The following DROSHA variants were observed in gnomAD, a reference collection of about 807,000 sequenced individuals.
DROSHA encodes drosha ribonuclease III, also known as ribonuclease 3.
Under a neutral mutation model 181.9 loss-of-function variants are expected in DROSHA, and 56 were observed. That is an observed-to-expected ratio of 0.31 (90% CI 0.25 to 0.38). The LOEUF is 0.38. Ranked by LOEUF, DROSHA falls within the 10% of genes least tolerant of loss-of-function variation. The pLI is 1.00. For missense variants in DROSHA, 1,218 were observed against 1,743.5 expected (o/e 0.70, Z 5.37); for synonymous variants, 524 against 591.2 (o/e 0.89, Z 1.65).
At chr5:31,523,836 T>A (rs7731537) in intron 5 of DROSHA, among the ~76,000 whole-genome samples, 4 of 151,614 alleles carry the variant, frequency 2.6e-5, no homozygotes, top group Non-Finnish European at 4.4e-5. Context: ...TTAGCCGGGC[T>A]TGGTGGCAGG....
chr5:31,405,750 A>G, intron 34 of DROSHA, 27 bp from the exon 35 acceptor site: 2 of 1,242,158 alleles, frequency 1.6e-6, no homozygotes, highest in African/African-American at 1.6e-5. Context: ...AGTAAGACAT[A>G]CTTTAATTTC....
chr5:31,486,712 A>G, intron 13 of DROSHA, 150 bp from the exon 14 acceptor site: 1 of 594,816 alleles, frequency 1.7e-6, no homozygotes, highest in East Asian at 3.0e-5. Context: ...ATGAAGCTTG[A>G]CCACAACTGC....
At position 31,431,805 on chromosome 5, in the gene DROSHA, T is replaced by G. The variant is rs1335505531; in HGVS notation, c.3043-127A>C. Reference sequence around the variant, plus strand: ...GGGCAGCGTAATGGTTACAAATCCATGAATATATTAAGAGAGAGTTTAGTT... The same window carrying G: ...GGGCAGCGTAATGGTTACAAATCCAGGAATATATTAAGAGAGAGTTTAGTT... On this transcript the variant is annotated intron_variant, in intron 25 of 35. Transcript: ENST00000344624. The G allele has an allele frequency of 4.5e-5, 34 of 750,974 alleles. No individual in the cohort carries two copies. The South Asian group carries it at 5.7e-4, about 13-fold the overall frequency. 46.5% of individuals were successfully genotyped at this position (750,974 alleles called of 1,614,324 possible).
At chr5:31,454,763 A>AC (rs769190555) in intron 20 of DROSHA, among the ~76,000 whole-genome samples, 81 of 151,968 alleles carry the variant, frequency 5.3e-4, no homozygotes, top group Non-Finnish European at 1.0e-3. Flanking sequence ...ACATGGTGAG[A>AC]CCCCGTCTCT....
rs34034465 is a variant in DROSHA, at chr5:31,409,971, TAA to T, written c.3668-641_3668-640del. Among the ~76,000 whole-genome samples the T allele has an allele frequency of 0.048, 7,005 of 144,460 alleles. 228 individuals carry two copies. The highest frequency in any genetic ancestry group is 0.17 in the East Asian group (841 of 5,028). 94.8% of individuals were successfully genotyped at this position (144,460 alleles called of 152,430 possible). On this transcript the variant is annotated intron_variant, in intron 31 of 35. Coordinates refer to ENST00000344624, the MANE Select transcript of DROSHA (RefSeq NM_001382508.1). This position sits in a 1 kb window ranked among gnomAD's most constrained non-coding sequence, Gnocchi z 4.0. The stretch of plus-strand genomic sequence containing the variant: ...GGAATAAAAATAGCTTTCATTGAGC[TAA>T]AAAAAAAAAAAAGAATGATCTCTCT...
chr5:31,511,649 A>G (rs1442615791), intron 8 of DROSHA, among the ~76,000 whole-genome samples: 1 of 151,708 alleles, frequency 6.6e-6, no homozygotes, highest in African/African-American at 2.4e-5. Context: ...AGCTATGACT[A>G]TGACTGTGCC....
chr5:31,457,284 C>T (rs534287975), intron 20 of DROSHA, among the ~76,000 whole-genome samples: 182 of 151,938 alleles, frequency 1.2e-3, no homozygotes, highest in African/African-American at 4.0e-3. Context: ...CCACCACTCC[C>T]GGCTAATTTT....
chr5:31,492,113 A>G (rs1406090977), intron 13 of DROSHA, among the ~76,000 whole-genome samples: 1 of 152,212 alleles, frequency 6.6e-6, no homozygotes, highest in Non-Finnish European at 1.5e-5. Context: ...GCTTTTCTAC[A>G]TTAGTGAACA....
chr5:31,401,608 TAATC>T, intron 35 of DROSHA, 46 bp from the exon 36 acceptor site: 1 of 1,231,772 alleles, frequency 8.1e-7, no homozygotes, highest in Non-Finnish European at 1.0e-6. Flanking sequence ...TTATATTTAA[TAATC>T]TAGTGCAAAG....
At chr5:31,518,107 G>A (rs761895996) in intron 6 of DROSHA, among the ~76,000 whole-genome samples, 28 of 150,788 alleles carry the variant, frequency 1.9e-4, no homozygotes, top group Non-Finnish European at 3.0e-4. Context: ...TCGGACAGGC[G>A]GTATAGCCTG....
Position 31,526,927 on chromosome 5 carries a change from AG to A in DROSHA, c.21-16del, listed in dbSNP as rs1740664784. 1.2e-6 allele frequency: 2 copies of A among 1,600,948 alleles called. No individual in the cohort carries two copies. The highest frequency in any genetic ancestry group is 2.7e-5 in the African/African-American group (2 of 73,900). Reference sequence around the variant, plus strand: ...ACATTCTGTGACTTCATGGCAGAAAAGAAAAAGGGAAAAGTTTTTTTAAAAA... The same window carrying A: ...ACATTCTGTGACTTCATGGCAGAAAAAAAAAGGGAAAAGTTTTTTTAAAAA... On this transcript the variant is annotated splice_polypyrimidine_tract_variant and intron_variant, in intron 4 of 35. Transcript: ENST00000344624.
chr5:31,523,764 CA>C (rs1740174644), intron 5 of DROSHA, among the ~76,000 whole-genome samples: 1 of 152,170 alleles, frequency 6.6e-6, no homozygotes, highest in South Asian at 2.1e-4. Flanking sequence ...CACCTGAGGT[CA>C]GGAGTTCGAG....
chr5:31,486,580 G>A lies in DROSHA; in HGVS notation c.1843-18C>T, dbSNP rs1408772506. 1 of 1,610,958 alleles carries A rather than the reference G, an allele frequency of 6.2e-7. No homozygotes were observed. The highest frequency in any genetic ancestry group is 1.7e-5 in the Admixed American group (1 of 59,614). ...AGTGGAATCTGCAATAAAAAGAAGT[G>A]AGGTTCAGTTCCCCAACGTCTCCCT... On this transcript the variant is annotated intron_variant, in intron 13 of 35. Transcript: ENST00000344624.
chr5:31,401,598 T>C, intron 35 of DROSHA, 36 bp from the exon 36 acceptor site: 1 of 1,275,742 alleles, frequency 7.8e-7, no homozygotes, highest in Non-Finnish European at 1.0e-6. Flanking sequence ...TTTAATAAAA[T>C]TATATTTAAT....
Position 31,470,084 on chromosome 5 carries a change from T to A in DROSHA, c.2241+1979A>T, listed in dbSNP as rs1749559435. ...CAAGATTTTTTTCCTCCTTTAAGCA[T>A]ATCTTCAGATAAACAGTATAAAAGA... On this transcript the variant is annotated intron_variant, in intron 17 of 35. Coordinates refer to ENST00000344624, the MANE Select transcript of DROSHA (RefSeq NM_001382508.1). The surrounding 1 kb of genome is among the most constrained non-coding windows in gnomAD (Gnocchi z 4.0). 6.6e-6 allele frequency among the ~76,000 whole-genome samples: 1 copy of A among 152,006 alleles called. No individual in the cohort carries two copies. The highest frequency in any genetic ancestry group is 1.9e-4 in the East Asian group (1 of 5,190).
rs368250784 is a variant in DROSHA at position 31,472,156 on chromosome 5, C to T, written c.2148G>A (p.Glu716=). ...ACTGAAGCATATTGGCAATCTCCTCCTCAGGCACCAGGGCTTTGCTGCACC... is the reference window on the plus strand; with the variant it reads ...ACTGAAGCATATTGGCAATCTCCTCTTCAGGCACCAGGGCTTTGCTGCACC... ...LLRCSKALVP[E]EEIANMLQWE... is the part of the protein sequence containing the mutation. Residue 716 remains glutamate (E), a synonymous_variant, in exon 17 of 36, where the codon GAG becomes GAA. Coordinates refer to ENST00000344624, the MANE Select transcript of DROSHA (RefSeq NM_001382508.1). 3.4e-5 allele frequency: 55 copies of T among 1,613,838 alleles called. No individual in the cohort carries two copies. Among genetic ancestry groups the T allele is most frequent in the African/African-American group, 9.3e-5 (7 of 74,912 alleles).
chr5:31,416,141 A>G (rs3792830), intron 30 of DROSHA, among the ~76,000 whole-genome samples: 14,324 of 152,250 alleles, frequency 0.094, 905 homozygotes, highest in African/African-American at 0.17. Flanking sequence ...ATGCCTCCCA[A>G]TGTGAATTAC....
chr5:31,496,494 G>A (rs557650313), intron 11 of DROSHA, among the ~76,000 whole-genome samples: 9 of 152,288 alleles, frequency 5.9e-5, no homozygotes, highest in East Asian at 1.9e-4. Context: ...CTCTCCCAGC[G>A]GTGCCCCAGT....
intron 4 of DROSHA, among the ~76,000 whole-genome samples, chr5:31,528,677 G>A (rs77524804): frequency 0.012 from 1,794 of 152,166 alleles, 32 homozygotes; most frequent in African/African-American, 0.032. Flanking sequence ...TACAACCACT[G>A]TCACTGACCC....
Sources: gnomAD v4.1 joint callset for allele counts (sites outside exome capture counted in the v4.1 genomes callset) on GRCh38, gnomAD v4.1.1 for gene constraint, Gnocchi (gnomAD v3.1) non-coding constraint, MANE v1.5 for transcripts, NCBI Gene and HGNC (gene_info 2026-07-23, HGNC 2026-07-21) for gene names.